Variants in SLC16A2 observed in about 807,000 individuals in gnomAD.
SLC16A2 encodes monocarboxylate transporter 8.
In SLC16A2, 3 loss-of-function variants were observed where a neutral mutation model predicts 27.2. The observed-to-expected ratio is 0.11, with a 90% CI of 0.05 to 0.28. The LOEUF is 0.28. Ranked by LOEUF, SLC16A2 falls within the 10% of genes least tolerant of loss-of-function variation. The pLI, the probability that SLC16A2 is intolerant of heterozygous loss-of-function variation, is 1.00. For synonymous variants in SLC16A2, 202 were observed against 187.8 expected (o/e 1.08, Z -0.62); for missense variants, 295 against 458.5 (o/e 0.64, Z 3.26).
At chrX:74,493,357 T>G (rs1190481186) in intron 1 of SLC16A2, among the ~76,000 whole-genome samples, 4 of 111,622 alleles carry the variant, frequency 3.6e-5, no homozygotes, top group Non-Finnish European at 7.5e-5. Context: ...GATAATTCCC[T>G]CCTAGAGATC....
At chrX:74,500,615 G>A (rs1325606332) in intron 1 of SLC16A2, among the ~76,000 whole-genome samples, 2 of 111,082 alleles carry the variant, frequency 1.8e-5, no homozygotes, top group Non-Finnish European at 1.9e-5. Context: ...TATCCTTATC[G>A]CTTAGCTCCC....
At chrX:74,470,996 T>C (rs1228715895) in intron 1 of SLC16A2, among the ~76,000 whole-genome samples, 1 of 112,586 alleles carries the variant, frequency 8.9e-6, no homozygotes, top group African/African-American at 3.2e-5. Flanking sequence ...GTTCTTTGTA[T>C]ATATTATTAA....
chrX:74,459,285 G>A (rs1392874616), intron 1 of SLC16A2, among the ~76,000 whole-genome samples: 1 of 5,273 alleles, frequency 1.9e-4, no homozygotes, highest in Non-Finnish European at 4.4e-4. Flanking sequence ...GCTAGAAGGT[G>A]AGCGGTATCC....
At chrX:74,474,030 A>G in intron 1 of SLC16A2, 1 of 170,360 alleles carries the variant, frequency 5.9e-6, no homozygotes, top group South Asian at 2.4e-4. Context: ...TTCATTTTTC[A>G]AGATTCTTTT....
chrX:74,432,120 GT>G (rs1280387725), intron 1 of SLC16A2, among the ~76,000 whole-genome samples: 1 of 111,757 alleles, frequency 8.9e-6, no homozygotes, highest in African/African-American at 3.3e-5. Context: ...CAAGGACTGA[GT>G]TTTTTTAGTA....
At chrX:74,494,362 G>A (rs890478083) in intron 1 of SLC16A2, among the ~76,000 whole-genome samples, 17 of 111,248 alleles carry the variant, frequency 1.5e-4, no homozygotes, top group Non-Finnish European at 2.6e-4. Context: ...AATTATCAGC[G>A]CCTGGCCAGT....
chrX:74,485,706 G>A (rs893710313), intron 1 of SLC16A2, among the ~76,000 whole-genome samples: 7 of 111,257 alleles, frequency 6.3e-5, no homozygotes, highest in Admixed American at 2.9e-4. Context: ...GAAGAGAACC[G>A]TGGAACCCAG....
intron 1 of SLC16A2, among the ~76,000 whole-genome samples, chrX:74,462,412 T>A (rs1314341992): frequency 1.8e-5 from 2 of 111,872 alleles, no homozygotes. Flanking sequence ...CTCCACCTCC[T>A]GGATTCAAAT....
chrX:74,509,058 G>A (rs1205554243), intron 1 of SLC16A2, among the ~76,000 whole-genome samples: 1 of 111,095 alleles, frequency 9.0e-6, no homozygotes, highest in Non-Finnish European at 1.9e-5. Flanking sequence ...ACCTCCCCAG[G>A]CTCAGGTGAT....
At chrX:74,456,916 C>T (rs1232048999) in intron 1 of SLC16A2, among the ~76,000 whole-genome samples, 2 of 112,062 alleles carry the variant, frequency 1.8e-5, no homozygotes, top group Non-Finnish European at 3.8e-5. Context: ...GAAACAGGGA[C>T]GTGACTAGGG....
chrX:74,518,098 T>G (rs1930345285), intron 1 of SLC16A2, among the ~76,000 whole-genome samples: 1 of 111,977 alleles, frequency 8.9e-6, no homozygotes, highest in South Asian at 3.7e-4. Context: ...TAGGTTCAGG[T>G]TTTTGTGTGA....
At chrX:74,429,795 T>A (rs1282845214) in intron 1 of SLC16A2, among the ~76,000 whole-genome samples, 1 of 112,023 alleles carries the variant, frequency 8.9e-6, no homozygotes, top group Non-Finnish European at 1.9e-5. Context: ...ACAGGTTCAG[T>A]CACTTGTTCA....
At chrX:74,506,943 T>TATTTATTTA (rs200493416) in intron 1 of SLC16A2, among the ~76,000 whole-genome samples, 30 of 82,455 alleles carry the variant, frequency 3.6e-4, no homozygotes, top group Middle Eastern at 5.8e-3. Flanking sequence ...ATTTATTTTT[T>TATTTATTTA]TTTTTTTGAG....
intron 1 of SLC16A2, among the ~76,000 whole-genome samples, chrX:74,460,852 C>T (rs948667468): frequency 1.8e-5 from 2 of 110,826 alleles, no homozygotes; most frequent in Non-Finnish European, 3.8e-5. Context: ...GGGGTTTCAC[C>T]GTGTTAGCCA....
intron 1 of SLC16A2, among the ~76,000 whole-genome samples, chrX:74,491,172 C>T (rs1440767423): frequency 8.9e-6 from 1 of 112,034 alleles, no homozygotes; most frequent in Admixed American, 9.5e-5. Context: ...GACCAGGGCC[C>T]GTGACACAGC....
intron 1 of SLC16A2, among the ~76,000 whole-genome samples, chrX:74,494,057 A>G (rs947267260): frequency 8.9e-6 from 1 of 111,966 alleles, no homozygotes; most frequent in African/African-American, 3.2e-5. Flanking sequence ...GAGAGGAGCA[A>G]CACAGATGCT....
rs755661815 is a variant in SLC16A2 at position 74,531,240 on chromosome X, G to C, written c.1400-93G>C. 5.6e-6 allele frequency: 4 copies of C among 718,421 alleles called. No homozygotes were observed. The Admixed American group carries it at 7.2e-5, about 13-fold the overall frequency. 59.2% of individuals were successfully genotyped at this position (718,421 alleles called of 1,213,427 possible). A position where few individuals can be genotyped will look rare whatever the true frequency, so the allele number is the denominator to read the frequency against. ...AGGCAATACACGCCAAGATTATCTG[G>C]ATAGGCACTGTGATGGCCCCTAGAA... On this transcript the variant is annotated intron_variant, in intron 5 of 5. Coordinates refer to ENST00000587091, the MANE Select transcript of SLC16A2 (RefSeq NM_006517.5).
chrX:74,484,138 G>T (rs1167048355), intron 1 of SLC16A2, among the ~76,000 whole-genome samples: 2 of 111,982 alleles, frequency 1.8e-5, no homozygotes, highest in Non-Finnish European at 3.8e-5. Context: ...AATATTTGAA[G>T]ATATTTATTC....
intron 1 of SLC16A2, among the ~76,000 whole-genome samples, chrX:74,494,366 G>A (rs1265127577): frequency 9.0e-6 from 1 of 111,223 alleles, no homozygotes; most frequent in Non-Finnish European, 1.9e-5. Context: ...ATCAGCGCCT[G>A]GCCAGTCACA....
Sources: gnomAD v4.1 joint callset for allele counts (sites outside exome capture counted in the v4.1 genomes callset) on GRCh38, gnomAD v4.1.1 for gene constraint, MANE v1.5 for transcripts, NCBI Gene and HGNC (gene_info 2026-07-23, HGNC 2026-07-21) for gene names.